SLC22A15: variants seen among roughly 807,000 people sequenced by gnomAD.
The protein encoded by SLC22A15 is solute carrier family 22 member 15.
Under a neutral mutation model 62.7 loss-of-function variants are expected in SLC22A15, and 45 were observed. That is an observed-to-expected ratio of 0.72 (90% CI 0.56 to 0.92). The LOEUF (loss-of-function observed/expected upper bound fraction) is 0.92, where lower values mean the gene tolerates loss of function less well. Ranked by LOEUF, SLC22A15 falls within the 40% of genes least tolerant of loss-of-function variation. The pLI is 0.00. For missense variants in SLC22A15, 622 were observed against 665.6 expected (o/e 0.93, Z 0.72); for synonymous variants, 264 against 267.0 (o/e 0.99, Z 0.11).
At position 115,982,044 on chromosome 1, in the gene SLC22A15, CAG is replaced by C. The variant is rs1183197055; in HGVS notation, c.87+5333_87+5334del. 3.3e-5 allele frequency among the ~76,000 whole-genome samples: 5 copies of C among 152,318 alleles called. No homozygotes were observed. In the East Asian group the frequency reaches 5.8e-4, roughly 18 times the overall value. ...TTTGTTTTGCAAGTTTAGGATTTCT[CAG>C]AGTTTCCCAATGCCCAACAATTAAT... On this transcript the variant is annotated intron_variant, in intron 1 of 11. Coordinates refer to ENST00000369503, the MANE Select transcript of SLC22A15 (RefSeq NM_018420.3).
intron 4 of SLC22A15, among the ~76,000 whole-genome samples, chr1:116,023,643 G>GA (rs1261305473): frequency 2.0e-5 from 3 of 152,160 alleles, no homozygotes; most frequent in African/African-American, 7.2e-5. Context: ...TCATGGAACT[G>GA]ATGCTTTACT....
chr1:115,981,070 A>G (rs900040218), intron 1 of SLC22A15, among the ~76,000 whole-genome samples: 6 of 152,096 alleles, frequency 3.9e-5, no homozygotes, highest in Non-Finnish European at 7.4e-5. Context: ...TACCTTCCCT[A>G]TCTGCTTATA....
intron 2 of SLC22A15, among the ~76,000 whole-genome samples, chr1:115,992,541 A>T (rs1416268597): frequency 6.6e-6 from 1 of 152,106 alleles, no homozygotes; most frequent in South Asian, 2.1e-4. Context: ...TAAAACTTTA[A>T]TCTCTCTTTA....
chr1:116,046,034 A>G (rs1657922517), intron 8 of SLC22A15, among the ~76,000 whole-genome samples: 1 of 152,216 alleles, frequency 6.6e-6, no homozygotes. Flanking sequence ...TGCTGAAATA[A>G]CTGGATCTCC....
intron 8 of SLC22A15, among the ~76,000 whole-genome samples, chr1:116,040,064 C>T (rs1570761339): frequency 2.0e-5 from 3 of 152,284 alleles, no homozygotes; most frequent in Middle Eastern, 6.8e-3. Context: ...TCAGGTGACC[C>T]TCTACCCACC....
chr1:116,019,130 C>A (rs749543379), intron 2 of SLC22A15, among the ~76,000 whole-genome samples: 1 of 152,080 alleles, frequency 6.6e-6, no homozygotes, highest in Non-Finnish European at 1.5e-5. Flanking sequence ...TGTGTTTAAT[C>A]TTTTTGAGGG....
At chr1:115,979,981 T>G (rs560487826) in intron 1 of SLC22A15, among the ~76,000 whole-genome samples, 4 of 150,294 alleles carry the variant, frequency 2.7e-5, no homozygotes, top group Non-Finnish European at 4.4e-5. Context: ...TATTTTTATA[T>G]ATATATTAAG....
At chr1:116,035,451 T>G in intron 7 of SLC22A15, 124 bp downstream of exon 7, 1 of 738,156 alleles carries the variant, frequency 1.4e-6, no homozygotes, top group South Asian at 4.2e-5. Context: ...GATTGCTCTG[T>G]GGTGATTAGA....
chr1:115,979,020 T>C (rs1470208627), intron 1 of SLC22A15, among the ~76,000 whole-genome samples: 1 of 152,186 alleles, frequency 6.6e-6, no homozygotes, highest in Non-Finnish European at 1.5e-5. Context: ...TGCGATTTGA[T>C]AATGATTAAC....
At chr1:116,029,416 T>C (rs1657284741) in intron 5 of SLC22A15, among the ~76,000 whole-genome samples, 1 of 152,166 alleles carries the variant, frequency 6.6e-6, no homozygotes, top group Non-Finnish European at 1.5e-5. Context: ...ACGGCACAGA[T>C]GACCCTGCTG....
chr1:116,033,646 A>C (rs75025038), intron 6 of SLC22A15, among the ~76,000 whole-genome samples: 164 of 152,080 alleles, frequency 1.1e-3, no homozygotes, highest in African/African-American at 3.7e-3. Context: ...ACAGAAAACC[A>C]ACTGGGAAAC....
Position 115,999,801 on chromosome 1 carries a change from G to A in SLC22A15, c.300+7558G>A, listed in dbSNP as rs183971864. 4.6e-5 allele frequency among the ~76,000 whole-genome samples: 7 copies of A among 152,094 alleles called. No individual in the cohort carries two copies. The South Asian group carries it at 1.5e-3, about 32-fold the overall frequency. On this transcript the variant is annotated intron_variant, in intron 2 of 11. Coordinates refer to ENST00000369503, the MANE Select transcript of SLC22A15 (RefSeq NM_018420.3). ...TTACAGGCATGTACCATCACATCTG[G>A]CCTATATTCTTAATTCTTATATCCA...
chr1:115,979,020 T>A (rs1470208627), intron 1 of SLC22A15, among the ~76,000 whole-genome samples: 1 of 152,186 alleles, frequency 6.6e-6, no homozygotes, highest in African/African-American at 2.4e-5. Context: ...TGCGATTTGA[T>A]AATGATTAAC....
rs536549959 is a variant in SLC22A15, at chr1:115,996,394, A to G, written c.300+4151A>G. On this transcript the variant is annotated intron_variant, in intron 2 of 11. Transcript: ENST00000369503. ...GATAGAAGTTGTGTTAAACCTGCAT[A>G]TCAATTTGGGGAGAATCAACGTCTT... Among the ~76,000 whole-genome samples the G allele has an allele frequency of 2.6e-5, 4 of 152,306 alleles. No individual in the cohort carries two copies. In the South Asian group the frequency reaches 8.3e-4, roughly 32 times the overall value.
In SLC22A15 at chr1:116,020,702, T is replaced by C; in HGVS notation, c.434-19T>C. 1 of 1,594,516 alleles carries C rather than the reference T, an allele frequency of 6.3e-7. No homozygotes were observed. The highest frequency in any genetic ancestry group is 8.6e-7 in the Non-Finnish European group (1 of 1,167,900). On this transcript the variant is annotated intron_variant, in intron 3 of 11. Coordinates refer to ENST00000369503, the MANE Select transcript of SLC22A15 (RefSeq NM_018420.3). ...GCTATTTTGCCTCTGGATTATTGAATATTGTTTTCTCTTTCTAGGTTTTGC... is the reference window on the plus strand; with the variant it reads ...GCTATTTTGCCTCTGGATTATTGAACATTGTTTTCTCTTTCTAGGTTTTGC...
chr1:115,987,439 C>T (rs917345259), intron 1 of SLC22A15, among the ~76,000 whole-genome samples: 7 of 152,170 alleles, frequency 4.6e-5, no homozygotes, highest in Admixed American at 3.9e-4. Context: ...GCTGGGATTA[C>T]TGGCATGAGT....
At chr1:116,006,882 C>T (rs1033513784) in intron 2 of SLC22A15, among the ~76,000 whole-genome samples, 2 of 151,944 alleles carry the variant, frequency 1.3e-5, no homozygotes, top group Non-Finnish European at 2.9e-5. Flanking sequence ...CCTCTGTGTG[C>T]CTTTCTGTTT....
intron 2 of SLC22A15, among the ~76,000 whole-genome samples, chr1:116,017,264 G>T: frequency 6.6e-6 from 1 of 151,420 alleles, no homozygotes; most frequent in Non-Finnish European, 1.5e-5. Flanking sequence ...CCAGCTACTT[G>T]GGAGGCTGAG....
rs571262964 is a variant in SLC22A15 at position 116,011,906 on chromosome 1, A to G, written c.301-7676A>G. ...TCTGTTTGCCTTTCTTTGGGTAACCATACCCTTACCTAGACTTCTGCACGA... is the reference window on the plus strand; with the variant it reads ...TCTGTTTGCCTTTCTTTGGGTAACCGTACCCTTACCTAGACTTCTGCACGA... On this transcript the variant is annotated intron_variant, in intron 2 of 11. Transcript: ENST00000369503. Among the ~76,000 whole-genome samples, 55 of 152,242 alleles carry G rather than the reference A, an allele frequency of 3.6e-4. 1 individual carries two copies. In the South Asian group the frequency reaches 0.011, roughly 32 times the overall value.
Sources: gnomAD v4.1 joint callset for allele counts (sites outside exome capture counted in the v4.1 genomes callset) on GRCh38, gnomAD v4.1.1 for gene constraint, MANE v1.5 for transcripts, NCBI Gene and HGNC (gene_info 2026-07-23, HGNC 2026-07-21) for gene names.